Variants in SINHCAF observed in about 807,000 individuals in gnomAD.
SINHCAF encodes the protein SIN3-HDAC complex-associated factor.
A neutral mutation model predicts 25.8 loss-of-function variants in SINHCAF; 3 were observed. The ratio of observed to expected loss-of-function variants is 0.12; its 90% CI spans 0.05 to 0.30. The LOEUF (loss-of-function observed/expected upper bound fraction) is 0.30. Among genes scored for constraint, SINHCAF ranks in the 10% least tolerant of loss-of-function variants. The pLI, the probability that SINHCAF is intolerant of heterozygous loss-of-function variation, is 1.00. For synonymous variants in SINHCAF, 70 were observed against 85.5 expected (o/e 0.82, Z 1.00); for missense variants, 121 against 262.3 (o/e 0.46, Z 3.72).
At chr12:31,304,840 A>G (rs1938956426) in intron 1 of SINHCAF, 1 of 152,230 alleles carries the variant, frequency 6.6e-6, no homozygotes, top group Non-Finnish European at 1.5e-5. Flanking sequence ...CTGAAAAGTC[A>G]AGTGTATATA....
At chr12:31,300,950 C>T (rs1013362856) in intron 1 of SINHCAF, among the ~76,000 whole-genome samples, 8 of 152,300 alleles carry the variant, frequency 5.3e-5, no homozygotes, top group Admixed American at 2.0e-4. Flanking sequence ...CATTAATACA[C>T]AGACCAAATC....
intron 4 of SINHCAF, among the ~76,000 whole-genome samples, chr12:31,293,381 T>C (rs1383458038): frequency 2.0e-5 from 3 of 152,216 alleles, no homozygotes; most frequent in Non-Finnish European, 2.9e-5. Flanking sequence ...GTTGGCTGAA[T>C]TTCAATATGT....
chr12:31,295,417 G>A, intron 2 of SINHCAF, 84 bp from the exon 3 acceptor site: 1 of 832,554 alleles, frequency 1.2e-6, no homozygotes, highest in Non-Finnish European at 2.0e-6. Flanking sequence ...GGAAAAAACT[G>A]TATCTATGTA....
In SINHCAF at chr12:31,282,638, T is replaced by C; in HGVS notation, c.*74A>G. On this transcript the variant is annotated 3_prime_UTR_variant, in exon 6 of 6. Coordinates refer to ENST00000337682, the MANE Select transcript of SINHCAF (RefSeq NM_001135812.2). ...ACTCCGTCTCAAAAAAAAAAGAGGG[T>C]CAGTTTGTAGCTTTGTGGTTTTTCA... The C allele has an allele frequency of 1.6e-6, 2 of 1,283,516 alleles. No individual in the cohort carries two copies. The highest frequency in any genetic ancestry group is 2.5e-5 in the East Asian group (1 of 39,646). 79.5% of individuals were successfully genotyped at this position (1,283,516 alleles called of 1,614,324 possible).
At chr12:31,306,508 C>T (rs748584154) in intron 1 of SINHCAF, among the ~76,000 whole-genome samples, 2 of 152,172 alleles carry the variant, frequency 1.3e-5, no homozygotes, top group African/African-American at 4.8e-5. Flanking sequence ...AGTACCCCCC[C>T]CTTTTGTTTC....
rs902241678 is a variant in SINHCAF, at chr12:31,308,928, G to C, written c.-20-10704C>G. Among the ~76,000 whole-genome samples, 3 of 152,034 alleles carry C rather than the reference G, an allele frequency of 2.0e-5. No individual in the cohort carries two copies. The East Asian group carries it at 5.8e-4, about 29-fold the overall frequency. ...GGATCACTTGAGGTCAGGAGTTCGA[G>C]ACCAGCCTGGCCAACATCATGAAAC... On this transcript the variant is annotated intron_variant, in intron 1 of 5. Coordinates refer to ENST00000337682, the MANE Select transcript of SINHCAF (RefSeq NM_001135812.2).
At chr12:31,308,575 T>C (rs950502796) in intron 1 of SINHCAF, among the ~76,000 whole-genome samples, 1 of 152,198 alleles carries the variant, frequency 6.6e-6, no homozygotes, top group African/African-American at 2.4e-5. Flanking sequence ...ACAAGTTTTC[T>C]TCTTCAGAGG....
At chr12:31,315,064 G>T (rs1939443590) in intron 1 of SINHCAF, among the ~76,000 whole-genome samples, 1 of 152,210 alleles carries the variant, frequency 6.6e-6, no homozygotes, top group Non-Finnish European at 1.5e-5. Context: ...AAAGCTTGAG[G>T]ATGCGCACCC....
At chr12:31,303,812 A>C (rs1938906860) in intron 1 of SINHCAF, 1 of 152,166 alleles carries the variant, frequency 6.6e-6, no homozygotes, top group African/African-American at 2.4e-5. Flanking sequence ...TTTACCCATG[A>C]AAAAGGGGTT....
At chr12:31,287,910 C>T (rs1938145079) in intron 4 of SINHCAF, 126 bp from the exon 5 acceptor site, 2 of 575,488 alleles carry the variant, frequency 3.5e-6, no homozygotes. Flanking sequence ...AATTCATTTT[C>T]TATGCACTAC....
chr12:31,313,636 TG>T (rs1442386034), intron 1 of SINHCAF, among the ~76,000 whole-genome samples: 3 of 151,880 alleles, frequency 2.0e-5, no homozygotes, highest in Admixed American at 6.6e-5. Context: ...TGTAATTAAA[TG>T]TTTTTTTGTT....
intron 4 of SINHCAF, among the ~76,000 whole-genome samples, chr12:31,289,263 A>G (rs961688866): frequency 5.9e-5 from 9 of 152,190 alleles, no homozygotes; most frequent in African/African-American, 2.2e-4. Context: ...TAGTGGCTGA[A>G]AACTTGTGAA....
At chr12:31,311,577 AG>A (rs1233276925) in intron 1 of SINHCAF, 2 of 305,598 alleles carry the variant, frequency 6.5e-6, no homozygotes, top group African/African-American at 4.4e-5. Flanking sequence ...TGAGCAAGCC[AG>A]TGAGTGGGTC....
At chr12:31,319,211 C>T (rs552655496) in intron 1 of SINHCAF, among the ~76,000 whole-genome samples, 10 of 152,206 alleles carry the variant, frequency 6.6e-5, no homozygotes, top group Non-Finnish European at 1.3e-4. Context: ...TCCTTAACCT[C>T]ACTAATCCTG....
In SINHCAF at chr12:31,288,564, T is replaced by TC. The variant is rs376467468; in HGVS notation, c.356-781dup. Among the ~76,000 whole-genome samples, 408 of 151,968 alleles carry TC rather than the reference T, an allele frequency of 2.7e-3. 2 individuals carry two copies. The highest frequency in any genetic ancestry group is 9.2e-3 in the African/African-American group (383 of 41,448). ...TGACATCCAGTAGTAACAAGGAGCC[T>TC]CCCCCTCCCCCCAACCTCAGATGTC... is the stretch of plus-strand genomic sequence containing the variant. On this transcript the variant is annotated intron_variant, in intron 4 of 5. Transcript: ENST00000337682.
intron 4 of SINHCAF, among the ~76,000 whole-genome samples, chr12:31,289,626 T>A (rs994316454): frequency 2.0e-5 from 3 of 152,132 alleles, no homozygotes; most frequent in Non-Finnish European, 2.9e-5. Flanking sequence ...AAGAGCAGTA[T>A]CATAAACCTC....
chr12:31,298,561 C>T, intron 1 of SINHCAF: 1 of 305,082 alleles, frequency 3.3e-6, no homozygotes, highest in Non-Finnish European at 6.3e-6. Flanking sequence ...AATAATGAAG[C>T]TGTACACAAT....
chr12:31,309,063 G>A (rs1379676965), intron 1 of SINHCAF, among the ~76,000 whole-genome samples: 2 of 150,924 alleles, frequency 1.3e-5, no homozygotes, highest in Admixed American at 6.6e-5. Flanking sequence ...AGGAGGTGGA[G>A]GCTGCAGTGA....
At chr12:31,299,104 T>C (rs1565495278) in intron 1 of SINHCAF, among the ~76,000 whole-genome samples, 1 of 151,694 alleles carries the variant, frequency 6.6e-6, no homozygotes, top group Non-Finnish European at 1.5e-5. Context: ...GATGCAAATA[T>C]GTAGCTGGCA....
Sources: allele counts gnomAD v4.1 joint callset (sites outside exome capture counted in the v4.1 genomes callset), GRCh38; gene constraint gnomAD v4.1.1; transcripts MANE v1.5; gene names NCBI Gene and HGNC (gene_info 2026-07-23, HGNC 2026-07-21).